CDC42BPA: variants seen among roughly 807,000 people sequenced by gnomAD.
CDC42BPA encodes the protein serine/threonine-protein kinase MRCK alpha.
CDC42BPA carries 80 observed loss-of-function variants against 223.5 expected under a neutral mutation model. That is an observed-to-expected ratio of 0.36 (90% confidence interval 0.30 to 0.43). The LOEUF is 0.43. Among genes scored for constraint, CDC42BPA ranks in the 20% least tolerant of loss-of-function variants. The probability of loss-of-function intolerance (pLI) is 1.00; values close to 1 mark genes in which losing one functional copy is unlikely to be tolerated. For synonymous variants in CDC42BPA, 694 were observed against 718.6 expected, an observed-to-expected ratio of 0.97 and a Z score of 0.55; for missense variants, 1,743 against 2,099.9, an observed-to-expected ratio of 0.83 and a Z score of 3.32.
intron 3 of CDC42BPA, among the ~76,000 whole-genome samples, chr1:227,209,474 TATG>T (rs1673469754): frequency 7.1e-6 from 1 of 141,142 alleles, no homozygotes; most frequent in Admixed American, 7.3e-5. Flanking sequence ...GTCCATTCAG[TATG>T]ATATTGGCTG....
intron 5 of CDC42BPA, among the ~76,000 whole-genome samples, chr1:227,177,910 T>C (rs1183289250): frequency 6.6e-6 from 1 of 152,142 alleles, no homozygotes; most frequent in African/African-American, 2.4e-5. Flanking sequence ...TATTCCTATG[T>C]AATCTCCTTT....
chr1:227,253,643 CATACATTCATACATAA>C (rs1296962198), intron 2 of CDC42BPA, among the ~76,000 whole-genome samples: 5,673 of 126,356 alleles, frequency 0.045, 328 homozygotes, highest in African/African-American at 0.13. Context: ...TACATACATA[CATACATTCATACATAA>C]AATAAAATAC....
At chr1:227,007,113 C>A (rs188469755) in intron 34 of CDC42BPA, among the ~76,000 whole-genome samples, 75 of 152,238 alleles carry the variant, frequency 4.9e-4, no homozygotes, top group African/African-American at 1.7e-3. Context: ...GTAAAAAATT[C>A]AAGTTTTGTG....
At chr1:227,139,532 T>A (rs984586754) in intron 10 of CDC42BPA, 44 bp downstream of exon 10, 2 of 1,280,976 alleles carry the variant, frequency 1.6e-6, no homozygotes, top group African/African-American at 3.0e-5. Flanking sequence ...CATAACACTG[T>A]GAGTACAATT....
rs373092459 is a variant in CDC42BPA at position 227,139,660 on chromosome 1, C to G, written c.1306G>C (p.Asp436His). The change falls in exon 10 of 37, where the codon GAC becomes CAC. Residue 436 changes from aspartate to histidine, a missense_variant. Asp to His is a moderately conservative substitution (Grantham distance 81). Coordinates refer to ENST00000366766, the MANE Select transcript of CDC42BPA (RefSeq NM_001394014.1). ...DLDVNVQRTL[D>H]NNLATEAYER... is the part of the protein sequence containing the mutation. ...TAAGCTTCAGTTGCTAAGTTGTTGTCTAGAGTCCTCTGAACATTAACATCA... is the reference window on the plus strand; with the variant it reads ...TAAGCTTCAGTTGCTAAGTTGTTGTGTAGAGTCCTCTGAACATTAACATCA... The G allele has an allele frequency of 6.2e-7, 1 of 1,611,322 alleles. No individual in the cohort carries two copies. The highest frequency in any genetic ancestry group is 8.5e-7 in the Non-Finnish European group (1 of 1,178,628).
intron 15 of CDC42BPA, among the ~76,000 whole-genome samples, chr1:227,094,720 A>G (rs76855779): frequency 6.6e-6 from 1 of 152,348 alleles, no homozygotes; most frequent in East Asian, 1.9e-4. Flanking sequence ...TTGTGGTTTA[A>G]TGTGTTGACT....
At chr1:227,185,235 T>C (rs544409159) in intron 5 of CDC42BPA, among the ~76,000 whole-genome samples, 1 of 152,046 alleles carries the variant, frequency 6.6e-6, no homozygotes, top group South Asian at 2.1e-4. Context: ...TTTAGGCACA[T>C]AGGAAAAAAA....
intron 1 of CDC42BPA, among the ~76,000 whole-genome samples, chr1:227,258,175 G>A (rs1476348839): frequency 1.2e-5 from 1 of 84,622 alleles, no homozygotes. Context: ...ACCCTGTCCG[G>A]GAAAAAAAAA....
chr1:227,070,483 T>C (rs1678062282), intron 20 of CDC42BPA, among the ~76,000 whole-genome samples: 1 of 151,812 alleles, frequency 6.6e-6, no homozygotes, highest in African/African-American at 2.4e-5. Context: ...CAAATAAAAA[T>C]ACTAGGTAGA....
chr1:227,083,523 G>C (rs897017403), intron 16 of CDC42BPA, among the ~76,000 whole-genome samples: 1 of 151,576 alleles, frequency 6.6e-6, no homozygotes. Context: ...TCTACTGACT[G>C]CCTGGTTTTT....
At chr1:227,171,737 A>G (rs770786454) in intron 5 of CDC42BPA, among the ~76,000 whole-genome samples, 1 of 152,162 alleles carries the variant, frequency 6.6e-6, no homozygotes, top group African/African-American at 2.4e-5. Context: ...TATTACCCCC[A>G]TAAGACCAAA....
At position 227,051,996 on chromosome 1, in the gene CDC42BPA, A is replaced by G. The variant is rs771522683; in HGVS notation, c.2905-11T>C. ...CTCAACGGGATCAGTCTAGGAAAAT[A>G]AGTCGGGAAAAATAAAAACCCAAAA... On this transcript the variant is annotated splice_polypyrimidine_tract_variant and intron_variant, in intron 21 of 36. Transcript: ENST00000366766. The G allele has an allele frequency of 8.1e-6, 11 of 1,360,464 alleles. No homozygotes were observed. The highest frequency in any genetic ancestry group is 1.1e-5 in the Non-Finnish European group (11 of 1,016,408). 84.3% of individuals were successfully genotyped at this position (1,360,464 alleles called of 1,614,324 possible). A position where few individuals can be genotyped will look rare whatever the true frequency, so the allele number is the denominator to read the frequency against.
At chr1:227,166,068 A>C (rs1664983525) in intron 5 of CDC42BPA, among the ~76,000 whole-genome samples, 1 of 152,240 alleles carries the variant, frequency 6.6e-6, no homozygotes, top group African/African-American at 2.4e-5. Flanking sequence ...TCAATATCAC[A>C]GATAAGCACC....
chr1:227,006,963 AAC>A (rs1664214706), intron 34 of CDC42BPA, among the ~76,000 whole-genome samples: 6 of 151,810 alleles, frequency 4.0e-5, no homozygotes, highest in Admixed American at 3.9e-4. Context: ...CAACAACAAC[AAC>A]AACAACAACA....
At chr1:227,211,438 A>G (rs1340223101) in intron 3 of CDC42BPA, among the ~76,000 whole-genome samples, 1 of 152,166 alleles carries the variant, frequency 6.6e-6, no homozygotes, top group Non-Finnish European at 1.5e-5. Flanking sequence ...TATCAAAAAG[A>G]TACCTGTACT....
chr1:227,296,085 G>C lies in CDC42BPA; in HGVS notation c.178+20920C>G, dbSNP rs562159729. On this transcript the variant is annotated intron_variant, in intron 1 of 36. Coordinates refer to ENST00000366766, the MANE Select transcript of CDC42BPA (RefSeq NM_001394014.1). Reference sequence around the variant, plus strand: ...AAATAACCTGGAAAAACAGTTTAGAGGACTTACCCTTTTCAATTTCAAAAC... The same window carrying C: ...AAATAACCTGGAAAAACAGTTTAGACGACTTACCCTTTTCAATTTCAAAAC... 2.6e-5 allele frequency among the ~76,000 whole-genome samples: 4 copies of C among 152,212 alleles called. No homozygotes were observed. The South Asian group carries it at 8.3e-4, about 32-fold the overall frequency.
rs1377028366 is a variant in CDC42BPA, at chr1:227,199,407, A to C, written c.450+150T>G. On this transcript the variant is annotated intron_variant, in intron 4 of 36. Coordinates refer to ENST00000366766, the MANE Select transcript of CDC42BPA (RefSeq NM_001394014.1). ...GGTATCAAATTTCCAGGGAGAAAAAAAAACACCACATATCAAGTGAACAAC... is the reference window on the plus strand; with the variant it reads ...GGTATCAAATTTCCAGGGAGAAAAACAAACACCACATATCAAGTGAACAAC... 6.5e-5 allele frequency: 33 copies of C among 503,986 alleles called. No individual in the cohort carries two copies. In the East Asian group the frequency reaches 1.1e-3, roughly 17 times the overall value. 31.2% of individuals were successfully genotyped at this position (503,986 alleles called of 1,614,324 possible).
intron 1 of CDC42BPA, among the ~76,000 whole-genome samples, chr1:227,258,751 A>G (rs1284706621): frequency 6.6e-6 from 1 of 151,204 alleles, no homozygotes; most frequent in South Asian, 2.1e-4. Flanking sequence ...TTCATTAGCA[A>G]TATTTAACAA....
intron 11 of CDC42BPA, 30 bp from the exon 12 acceptor site, chr1:227,119,967 T>C: frequency 6.5e-7 from 1 of 1,540,448 alleles, no homozygotes; most frequent in Non-Finnish European, 8.7e-7. Context: ...TTTCTTTTAC[T>C]ATTTGTATAA....
Sources: gnomAD v4.1 joint callset for allele counts (sites outside exome capture counted in the v4.1 genomes callset) on GRCh38, gnomAD v4.1.1 for gene constraint, MANE v1.5 for transcripts, NCBI Gene and HGNC (gene_info 2026-07-23, HGNC 2026-07-21) for gene names.